GABRA3: variants seen among roughly 807,000 people sequenced by gnomAD.
GABRA3 encodes the protein gamma-aminobutyric acid receptor subunit alpha-3.
Under a neutral mutation model 30.1 loss-of-function variants are expected in GABRA3, and 10 were observed. The ratio of observed to expected loss-of-function variants is 0.33; its 90% CI spans 0.20 to 0.56. GABRA3 has a LOEUF of 0.56. Ranked by LOEUF, GABRA3 falls within the 20% of genes least tolerant of loss-of-function variation. The pLI is 0.89. For synonymous variants in GABRA3, 151 were observed against 146.8 expected, an observed-to-expected ratio of 1.03 and a Z score of -0.21; for missense variants, 233 against 392.0, an observed-to-expected ratio of 0.59 and a Z score of 3.42.
chrX:152,363,006 G>C (rs1928552548), intron 2 of GABRA3, among the ~76,000 whole-genome samples: 1 of 112,246 alleles, frequency 8.9e-6, no homozygotes, highest in Non-Finnish European at 1.9e-5. Flanking sequence ...GGCATGTTCA[G>C]TAGACAGTTG....
rs923793035 is a variant in GABRA3 at position 152,379,915 on chromosome X, G to A, written c.-26-15319C>T. 3.6e-5 allele frequency among the ~76,000 whole-genome samples: 4 copies of A among 110,129 alleles called. No homozygotes were observed. In the Admixed American group the frequency reaches 3.9e-4, roughly 11 times the overall value. On this transcript the variant is annotated intron_variant, in intron 1 of 9. Coordinates refer to ENST00000370314, the MANE Select transcript of GABRA3 (RefSeq NM_000808.4). ...TGCAGTGCCGCGATCTAGGCTCACTGCAGCCTCTGCCTCCCGGGTTCAAGC... is the reference window on the plus strand; with the variant it reads ...TGCAGTGCCGCGATCTAGGCTCACTACAGCCTCTGCCTCCCGGGTTCAAGC...
intron 7 of GABRA3, among the ~76,000 whole-genome samples, chrX:152,200,029 A>T (rs1937460909): frequency 9.0e-6 from 1 of 110,875 alleles, no homozygotes; most frequent in South Asian, 3.8e-4. Context: ...TCTGTCCTTG[A>T]CTCCTCTTCA....
At chrX:152,256,136 G>A (rs1167923652) in intron 4 of GABRA3, 138 bp from the exon 5 acceptor site, 5 of 467,793 alleles carry the variant, frequency 1.1e-5, no homozygotes, top group African/African-American at 9.7e-5. Flanking sequence ...AGCTCCTGGT[G>A]TGTAAGGAAA....
At chrX:152,289,506 A>ATCTT (rs757553591) in intron 3 of GABRA3, among the ~76,000 whole-genome samples, 1 of 85,323 alleles carries the variant, frequency 1.2e-5, no homozygotes, top group African/African-American at 4.4e-5. Context: ...CTTGTATTTT[A>ATCTT]TCTTTCTTTC....
At chrX:152,292,371 T>C (rs1431164625) in intron 3 of GABRA3, among the ~76,000 whole-genome samples, 1 of 112,051 alleles carries the variant, frequency 8.9e-6, no homozygotes, top group Non-Finnish European at 1.9e-5. Context: ...ATGTTTGTAT[T>C]TCTGTGGGAT....
intron 7 of GABRA3, among the ~76,000 whole-genome samples, chrX:152,199,609 A>C (rs6627545): frequency 0.28 from 30,463 of 109,953 alleles, 3,110 homozygotes; most frequent in East Asian, 0.46. Context: ...AGGAGCCTTA[A>C]GATTCTCTAC....
intron 1 of GABRA3, among the ~76,000 whole-genome samples, chrX:152,439,295 G>T (rs1040838497): frequency 9.1e-6 from 1 of 110,195 alleles, no homozygotes; most frequent in Non-Finnish European, 1.9e-5. Context: ...ACCACACCAG[G>T]CTAATTTTTG....
intron 1 of GABRA3, among the ~76,000 whole-genome samples, chrX:152,383,078 A>G (rs1302540896): frequency 9.0e-6 from 1 of 110,513 alleles, no homozygotes; most frequent in Non-Finnish European, 1.9e-5. Flanking sequence ...ACAAGAACAC[A>G]CACACATACA....
chrX:152,255,819 C>T lies in GABRA3; in HGVS notation c.510G>A (p.Leu170=). ...GGGTTCCGTTGTCCACCAATCTGAG[C>T]AGCTTGTTGGGCGTGGTCATGTTAT... ...VAHNMTTPNK[L]LRLVDNGTLL... Residue 170 remains leucine, a synonymous_variant, in exon 5 of 10, where the codon CTG becomes CTA. Transcript: ENST00000370314. 5 of 1,211,399 alleles carry T rather than the reference C, an allele frequency of 4.1e-6. No individual in the cohort carries two copies. The highest frequency in any genetic ancestry group is 5.6e-6 in the Non-Finnish European group (5 of 895,323).
chrX:152,438,878 A>G (rs1033796400), intron 1 of GABRA3, among the ~76,000 whole-genome samples: 1 of 111,140 alleles, frequency 9.0e-6, no homozygotes, highest in African/African-American at 3.3e-5. Context: ...AAACTATTCT[A>G]TATTATACAA....
intron 5 of GABRA3, among the ~76,000 whole-genome samples, chrX:152,251,407 T>G (rs758981102): frequency 6.3e-5 from 7 of 110,467 alleles, no homozygotes; most frequent in Admixed American, 5.8e-4. Flanking sequence ...CTTTCTTCTC[T>G]CTTCTCTATC....
At chrX:152,289,884 A>G (rs922527245) in intron 3 of GABRA3, among the ~76,000 whole-genome samples, 1 of 111,866 alleles carries the variant, frequency 8.9e-6, no homozygotes, top group African/African-American at 3.2e-5. Context: ...TCCATGGTGT[A>G]TATATGCCAT....
chrX:152,235,520 A>C (rs1360869575), intron 5 of GABRA3, among the ~76,000 whole-genome samples: 1 of 109,241 alleles, frequency 9.2e-6, no homozygotes, highest in Non-Finnish European at 1.9e-5. Flanking sequence ...CAGAACTAAT[A>C]AATGGACTCA....
intron 1 of GABRA3, chrX:152,394,501 A>C (rs373753638): frequency 5.4e-5 from 21 of 385,707 alleles, no homozygotes; most frequent in Admixed American, 7.6e-5. Flanking sequence ...CACACAGAAG[A>C]TCTGCAACAT....
At chrX:152,340,157 C>T (rs1408286980) in intron 3 of GABRA3, among the ~76,000 whole-genome samples, 2 of 111,749 alleles carry the variant, frequency 1.8e-5, no homozygotes, top group African/African-American at 6.5e-5. Flanking sequence ...ATTTTTACAT[C>T]CTTCGTTGCT....
chrX:152,434,237 TG>T, intron 1 of GABRA3, among the ~76,000 whole-genome samples: 1 of 110,900 alleles, frequency 9.0e-6, no homozygotes, highest in Non-Finnish European at 1.9e-5. Context: ...TGCCAACGAA[TG>T]TAAAGCAGGC....
At chrX:152,241,738 G>A (rs925912957) in intron 5 of GABRA3, among the ~76,000 whole-genome samples, 7 of 109,631 alleles carry the variant, frequency 6.4e-5, no homozygotes, top group Non-Finnish European at 1.1e-4. Context: ...TCTGAAAAGC[G>A]CAATATTCGG....
chrX:152,284,811 C>T, intron 3 of GABRA3, 76 bp from the exon 4 acceptor site: 1 of 674,807 alleles, frequency 1.5e-6, no homozygotes, highest in East Asian at 3.8e-5. Flanking sequence ...CAGTGCAGTA[C>T]TCTGAATGAC....
At chrX:152,444,996 G>T in intron 1 of GABRA3, among the ~76,000 whole-genome samples, 1 of 77,602 alleles carries the variant, frequency 1.3e-5, no homozygotes, top group Non-Finnish European at 2.4e-5. Context: ...GGGAGGCGGA[G>T]CTTGCAGTGA....
Sources: allele counts gnomAD v4.1 joint callset (sites outside exome capture counted in the v4.1 genomes callset), GRCh38; gene constraint gnomAD v4.1.1; transcripts MANE v1.5; gene names NCBI Gene and HGNC (gene_info 2026-07-23, HGNC 2026-07-21).